THUMPD3: variants seen among roughly 807,000 people sequenced by gnomAD.
THUMPD3 encodes the protein tRNA (guanine(6)-N(2))-methyltransferase THUMP3.
Under a neutral mutation model 54.5 loss-of-function variants are expected in THUMPD3, and 44 were observed. The ratio of observed to expected loss-of-function variants is 0.81; its 90% CI spans 0.63 to 1.04. THUMPD3 has a LOEUF of 1.04. Among genes scored for constraint, THUMPD3 ranks in the 50% least tolerant of loss-of-function variants. THUMPD3 has a pLI of 0.00. For missense variants in THUMPD3, 604 were observed against 601.3 expected (o/e 1.00, Z -0.05); for synonymous variants, 196 against 201.4 (o/e 0.97, Z 0.23).
At chr3:9,384,080 T>C (rs1159240734) in intron 8 of THUMPD3, 132 bp from the exon 9 acceptor site, 2 of 1,096,210 alleles carry the variant, frequency 1.8e-6, no homozygotes, top group African/African-American at 1.6e-5. Flanking sequence ...AGACATGTAA[T>C]GGCAAAGGTC....
intron 3 of THUMPD3, 115 bp from the exon 4 acceptor site, chr3:9,370,945 C>T (rs765441738): frequency 4.1e-5 from 35 of 862,324 alleles, no homozygotes; most frequent in Non-Finnish European, 5.8e-5. Context: ...GTGTCTTTGG[C>T]GGTCCTGGAA....
At chr3:9,384,370 G>A in intron 9 of THUMPD3, 35 bp downstream of exon 9, 2 of 1,599,074 alleles carry the variant, frequency 1.3e-6, no homozygotes, top group Non-Finnish European at 1.7e-6. Flanking sequence ...CGCAGCCTGT[G>A]GCAACTTTGG....
At chr3:9,375,036 T>A (rs1383116946) in intron 5 of THUMPD3, among the ~76,000 whole-genome samples, 2 of 152,130 alleles carry the variant, frequency 1.3e-5, no homozygotes, top group Non-Finnish European at 2.9e-5. Context: ...TGTATTTTTT[T>A]AATAGAGACG....
intron 2 of THUMPD3, 108 bp from the exon 3 acceptor site, chr3:9,366,800 A>C (rs2031599208): frequency 1.3e-6 from 1 of 799,982 alleles, no homozygotes; most frequent in South Asian, 2.0e-5. Context: ...AAATATAGTT[A>C]GTAGCTGCTT....
chr3:9,371,996 C>A (rs1483831915), intron 4 of THUMPD3, among the ~76,000 whole-genome samples: 2 of 152,168 alleles, frequency 1.3e-5, no homozygotes, highest in Non-Finnish European at 2.9e-5. Flanking sequence ...TGTGCTCAGC[C>A]TCCCAAGTAG....
chr3:9,373,373 A>G (rs911358785), intron 4 of THUMPD3, among the ~76,000 whole-genome samples: 1 of 152,044 alleles, frequency 6.6e-6, no homozygotes. Flanking sequence ...ACAGACACCT[A>G]TAGTCCCAGG....
chr3:9,364,175 T>C (rs562006965), intron 1 of THUMPD3: 28 of 152,182 alleles, frequency 1.8e-4, no homozygotes, highest in African/African-American at 6.7e-4. Flanking sequence ...ACTTGTCTCC[T>C]AACGACTCTA....
intron 3 of THUMPD3, 152 bp from the exon 4 acceptor site, chr3:9,370,908 G>A (rs1185206464): frequency 4.5e-6 from 3 of 666,084 alleles, no homozygotes; most frequent in Admixed American, 2.7e-5. Flanking sequence ...TTTTATATGA[G>A]GGACTTTTGA....
chr3:9,373,776 C>T (rs1483689654), intron 4 of THUMPD3, among the ~76,000 whole-genome samples: 1 of 152,046 alleles, frequency 6.6e-6, no homozygotes, highest in African/African-American at 2.4e-5. Context: ...TGCAGTGGTG[C>T]AATCATGGCT....
chr3:9,377,962 CATAAT>C (rs1485773416), intron 6 of THUMPD3, 74 bp downstream of exon 6: 3 of 1,222,198 alleles, frequency 2.5e-6, no homozygotes, highest in Non-Finnish European at 3.6e-6. Flanking sequence ...GCAAATTAGA[CATAAT>C]GAAATCTCCA....
chr3:9,367,882 G>A (rs942116528), intron 3 of THUMPD3, among the ~76,000 whole-genome samples: 6 of 152,092 alleles, frequency 3.9e-5, no homozygotes, highest in East Asian at 1.9e-4. Context: ...TGGCTAACAC[G>A]GTGAAACCCC....
rs374153767 is a variant in THUMPD3 at position 9,365,275 on chromosome 3, C to A, written c.207C>A (p.Asp69Glu). Residue 69 changes from aspartate to glutamate, a missense_variant, in exon 2 of 10, where the codon GAC becomes GAA. Physicochemically the swap from Asp to Glu is conservative, Grantham distance 45. Coordinates refer to ENST00000452837, the MANE Select transcript of THUMPD3 (RefSeq NM_001114092.2). ...KLGSSCKISR[D>E]RGKIYFVISV... Reference sequence around the variant, plus strand: ...GGTCATCATGCAAAATCAGCAGAGACCGTGGCAAGATATATTTTGTCATTT... The same window carrying A: ...GGTCATCATGCAAAATCAGCAGAGAACGTGGCAAGATATATTTTGTCATTT... 2 of 1,614,074 alleles carry A rather than the reference C, an allele frequency of 1.2e-6. No homozygotes were observed. Among genetic ancestry groups the A allele is most frequent in the Non-Finnish European group, 1.7e-6 (2 of 1,180,048 alleles).
At chr3:9,383,000 T>A in intron 7 of THUMPD3, 199 bp from the exon 8 acceptor site, 1 of 458,118 alleles carries the variant, frequency 2.2e-6, no homozygotes. Flanking sequence ...AAGTGCTGAT[T>A]ATAGGCACAA....
At chr3:9,377,104 TTA>T (rs1219830198) in intron 5 of THUMPD3, among the ~76,000 whole-genome samples, 1 of 152,184 alleles carries the variant, frequency 6.6e-6, no homozygotes, top group Non-Finnish European at 1.5e-5. Context: ...GCCAGTAACC[TTA>T]TATTGATGCA....
At position 9,384,513 on chromosome 3, in the gene THUMPD3, TGTGTACACAGGC is replaced by T. The variant is rs779211120; in HGVS notation, c.1360-8_1363del. On this transcript the variant is annotated splice_acceptor_variant and splice_polypyrimidine_tract_variant and coding_sequence_variant and intron_variant, in exon 10 of 10. Transcript: ENST00000452837. LOFTEE classifies it high-confidence loss of function. ...GTCAACCTAATTGTTATTTTTTTTG[TGTGTACACAGGC>T]GTTATCTGGAATGCGACACGTATGG... The T allele has an allele frequency of 2.5e-5, 41 of 1,613,512 alleles. No individual in the cohort carries two copies. The African/African-American group carries it at 3.8e-4, about 15-fold the overall frequency.
At chr3:9,367,610 G>A (rs1201921155) in intron 3 of THUMPD3, among the ~76,000 whole-genome samples, 2 of 152,094 alleles carry the variant, frequency 1.3e-5, no homozygotes, top group Non-Finnish European at 2.9e-5. Context: ...TCAGTTTTAC[G>A]TATCTTAGAA....
rs1673498827 is a variant in THUMPD3 at position 9,385,942 on chromosome 3, G to T, written c.*1254G>T. On this transcript the variant is annotated 3_prime_UTR_variant, in exon 10 of 10. Transcript: ENST00000452837. The stretch of plus-strand genomic sequence containing the variant: ...TGCTTCCCTGGAACAAAGAGTAGTT[G>T]AGGTTTTTTTGTGGAACTCATCATA... 6.6e-6 allele frequency: 1 copy of T among 152,184 alleles called. No homozygotes were observed. The highest frequency in any genetic ancestry group is 1.5e-5 in the Non-Finnish European group (1 of 68,034). 9.4% of individuals were successfully genotyped at this position (152,184 alleles called of 1,614,324 possible).
At chr3:9,379,644 G>A (rs1395003721) in intron 6 of THUMPD3, among the ~76,000 whole-genome samples, 2 of 152,152 alleles carry the variant, frequency 1.3e-5, no homozygotes, top group African/African-American at 4.8e-5. Context: ...AATCCTTCCA[G>A]TGATATGGTG....
At chr3:9,367,071 G>A in intron 3 of THUMPD3, 86 bp downstream of exon 3, 1 of 1,090,878 alleles carries the variant, frequency 9.2e-7, no homozygotes, top group Non-Finnish European at 1.4e-6. Flanking sequence ...TGAAAGTTTA[G>A]CATTACTGTA....
Sources: allele counts gnomAD v4.1 joint callset (sites outside exome capture counted in the v4.1 genomes callset), GRCh38; gene constraint gnomAD v4.1.1; transcripts MANE v1.5; gene names NCBI Gene and HGNC (gene_info 2026-07-23, HGNC 2026-07-21).